CEP126: variants seen among roughly 807,000 people sequenced by gnomAD.
CEP126 encodes centrosomal protein of 126 kDa.
Under a neutral mutation model 107.8 loss-of-function variants are expected in CEP126, and 74 were observed. The ratio of observed to expected loss-of-function variants is 0.69; its 90% CI spans 0.57 to 0.83. CEP126 has a LOEUF of 0.83. Ranked by LOEUF, CEP126 falls within the 40% of genes least tolerant of loss-of-function variation. CEP126 has a pLI of 0.00. For synonymous variants in CEP126, 449 were observed against 446.0 expected (o/e 1.01, Z -0.08); for missense variants, 1,237 against 1,281.9 (o/e 0.96, Z 0.53).
intron 2 of CEP126, among the ~76,000 whole-genome samples, chr11:101,930,543 G>C (rs772422832): frequency 1.2e-4 from 18 of 152,162 alleles, no homozygotes; most frequent in Non-Finnish European, 2.4e-4. Context: ...TATGAAGAGT[G>C]AAAGAACAAA....
chr11:101,992,757 A>G (rs1377264301), intron 9 of CEP126, 21 bp from the exon 10 acceptor site: 1 of 1,262,370 alleles, frequency 7.9e-7, no homozygotes, highest in South Asian at 1.5e-5. Context: ...TTATTTTGGT[A>G]TTGTGATATA....
rs1405950078 is a variant in CEP126 at position 101,978,422 on chromosome 11, C to G, written c.2921C>G (p.Pro974Arg). 2 of 1,613,072 alleles carry G rather than the reference C, an allele frequency of 1.2e-6. No individual in the cohort carries two copies. Among genetic ancestry groups the G allele is most frequent in the Non-Finnish European group, 1.7e-6 (2 of 1,179,222 alleles). The change falls in exon 7 of 11, where the codon CCT (proline) becomes CGT (arginine). Residue 974 changes from proline (P) to arginine (R), a missense_variant. Transcript: ENST00000263468. ...RNILEQKRQN[P>R]GSVGQKYSEQ... ...ATTTTAGAGCAGAAAAGACAAAACC[C>G]TGGATCTGTAGGACAGAAGTACAGT... is the stretch of plus-strand genomic sequence containing the variant.
chr11:101,920,612 T>G (rs928121348), intron 1 of CEP126, among the ~76,000 whole-genome samples: 3 of 152,030 alleles, frequency 2.0e-5, no homozygotes, highest in South Asian at 4.1e-4. Flanking sequence ...GAACTTTTTT[T>G]TTTTTTTTTG....
Position 101,999,233 on chromosome 11 carries a change from A to G in CEP126, c.*1590A>G, listed in dbSNP as rs991127276. On this transcript the variant is annotated 3_prime_UTR_variant, in exon 11 of 11. Coordinates refer to ENST00000263468, the MANE Select transcript of CEP126 (RefSeq NM_020802.4). ...TAAAATAACATTTCAATGGGGGTAA[A>G]CAGGCCAGAAGAGTGTGCCAAGTTG... is the stretch of plus-strand genomic sequence containing the variant. 3 of 152,046 alleles carry G rather than the reference A, an allele frequency of 2.0e-5. No homozygotes were observed. The highest frequency in any genetic ancestry group is 4.4e-5 in the Non-Finnish European group (3 of 68,028). The allele number at this position is 152,046 out of a possible 1,614,324, so 9.4% of individuals were successfully genotyped here.
Position 101,963,033 on chromosome 11 carries a change from A to G in CEP126, c.1998A>G (p.Gln666=), listed in dbSNP as rs768616913. 2 of 1,614,130 alleles carry G rather than the reference A, an allele frequency of 1.2e-6. No homozygotes were observed. Among genetic ancestry groups the G allele is most frequent in the Non-Finnish European group, 1.7e-6 (2 of 1,179,992 alleles). Residue 666 remains glutamine (Q), a synonymous_variant, in exon 6 of 11, where the codon CAA becomes CAG. Transcript: ENST00000263468. The part of the protein sequence containing the change: ...TQQHSQQFHI[Q]SGAGSNIISV... ...AGCATTCTCAACAATTCCACATTCA[A>G]AGTGGTGCTGGAAGCAACATAATTA...
chr11:101,927,950 C>T (rs1410148222), intron 2 of CEP126, among the ~76,000 whole-genome samples: 1 of 151,990 alleles, frequency 6.6e-6, no homozygotes, highest in Non-Finnish European at 1.5e-5. Context: ...TGGTAGTTGC[C>T]CATTTAGTGT....
chr11:101,967,406 G>A (rs1455409327), intron 6 of CEP126, among the ~76,000 whole-genome samples: 3 of 151,990 alleles, frequency 2.0e-5, no homozygotes, highest in South Asian at 2.1e-4. Context: ...GCCCTTCCCC[G>A]CCCAGGGGGA....
At chr11:101,959,654 AAATATTTTCAAGG>A in intron 5 of CEP126, among the ~76,000 whole-genome samples, 1 of 152,366 alleles carries the variant, frequency 6.6e-6, no homozygotes, top group African/African-American at 2.4e-5. Context: ...GTATTTTTAC[AAATATTTTCAAGG>A]AATTAAAGTA....
chr11:101,964,646 A>G (rs1164538083), intron 6 of CEP126, among the ~76,000 whole-genome samples: 1 of 140,942 alleles, frequency 7.1e-6, no homozygotes, highest in Admixed American at 7.1e-5. Context: ...CTAAAAAAAA[A>G]AAACAACAAC....
At position 101,997,637 on chromosome 11, in the gene CEP126, G is replaced by C. The variant is rs1273518502; in HGVS notation, c.3348G>C (p.Lys1116Asn). The C allele has an allele frequency of 2.5e-6, 4 of 1,613,720 alleles. No homozygotes were observed. Among genetic ancestry groups the C allele is most frequent in the Admixed American group, 3.3e-5 (2 of 59,992 alleles). ...REDRTSSCRDKR is the reference protein window; with the variant it reads ...REDRTSSCRDNR ...ATAGAACCAGCAGCTGCAGAGACAA[G>C]AGATAATTCCAGCAGAATCCGTCTA... Residue 1116 changes from lysine to asparagine, a missense_variant, in exon 11 of 11, where the codon AAG becomes AAC. This residue lies in a region of CEP126 where 99 missense variants were observed against 114.4 expected (regional missense o/e 0.87). Coordinates refer to ENST00000263468, the MANE Select transcript of CEP126 (RefSeq NM_020802.4).
intron 8 of CEP126, among the ~76,000 whole-genome samples, 183 bp from the exon 9 acceptor site, chr11:101,986,649 T>C (rs192128401): frequency 6.6e-6 from 1 of 152,306 alleles, no homozygotes; most frequent in East Asian, 1.9e-4. Flanking sequence ...AAACGAAGGA[T>C]AGGAAAATGC....
intron 5 of CEP126, among the ~76,000 whole-genome samples, chr11:101,961,070 C>T (rs1252234306): frequency 6.6e-6 from 1 of 152,000 alleles, no homozygotes; most frequent in African/African-American, 2.4e-5. Flanking sequence ...TGCTAAACCT[C>T]CAAAAGGAGT....
chr11:101,972,736 G>A (rs373419829), intron 6 of CEP126, among the ~76,000 whole-genome samples: 6 of 152,128 alleles, frequency 3.9e-5, no homozygotes, highest in African/African-American at 1.4e-4. Context: ...GGGAAGTGGA[G>A]GTTATAGTGA....
intron 4 of CEP126, among the ~76,000 whole-genome samples, chr11:101,957,414 A>G (rs1940913592): frequency 6.6e-6 from 1 of 152,154 alleles, no homozygotes; most frequent in South Asian, 2.1e-4. Flanking sequence ...CTTTGCTTTC[A>G]CTTTGTATAT....
intron 3 of CEP126, 35 bp from the exon 4 acceptor site, chr11:101,947,996 G>A: frequency 8.9e-7 from 1 of 1,122,118 alleles, no homozygotes; most frequent in South Asian, 1.6e-5. Flanking sequence ...AAGATAAAGT[G>A]ATTCTGTACT....
intron 2 of CEP126, among the ~76,000 whole-genome samples, chr11:101,923,209 T>C (rs1008338202): frequency 2.6e-5 from 4 of 152,120 alleles, no homozygotes; most frequent in African/African-American, 9.7e-5. Flanking sequence ...GGAAAAAATA[T>C]GAATAATGGT....
At chr11:101,938,401 A>G (rs1294796747) in intron 2 of CEP126, among the ~76,000 whole-genome samples, 4 of 113,036 alleles carry the variant, frequency 3.5e-5, no homozygotes, top group Non-Finnish European at 7.9e-5. Flanking sequence ...TGTTTTCTCT[A>G]TTTTTTTTTT....
At chr11:101,941,521 C>T (rs1940664043) in intron 2 of CEP126, among the ~76,000 whole-genome samples, 1 of 152,132 alleles carries the variant, frequency 6.6e-6, no homozygotes, top group Non-Finnish European at 1.5e-5. Context: ...ATATATGCCA[C>T]ATTTTGTTTA....
intron 2 of CEP126, among the ~76,000 whole-genome samples, chr11:101,923,655 T>C (rs1940365106): frequency 6.6e-6 from 1 of 152,224 alleles, no homozygotes; most frequent in Non-Finnish European, 1.5e-5. Flanking sequence ...ATTTAGAATT[T>C]TATTTTGTAT....
Sources: gnomAD v4.1 joint callset for allele counts (sites outside exome capture counted in the v4.1 genomes callset) on GRCh38, gnomAD v4.1.1 for gene constraint, gnomAD v4.1.1 regional missense constraint, MANE v1.5 for transcripts, NCBI Gene and HGNC (gene_info 2026-07-23, HGNC 2026-07-21) for gene names.